Variants in NBAS observed in about 807,000 individuals in gnomAD.
The protein encoded by NBAS is NBAS subunit of NRZ tethering complex, also known as NAG/BC035112 fusion.
Under a neutral mutation model 302.5 loss-of-function variants are expected in NBAS, and 219 were observed. The ratio of observed to expected loss-of-function variants is 0.72; its 90% confidence interval spans 0.65 to 0.81. NBAS has a LOEUF of 0.81. Ranked by LOEUF, NBAS falls within the 30% of genes least tolerant of loss-of-function variation. The pLI is 0.00. For missense variants in NBAS, 2,932 were observed against 2,841.6 expected (o/e 1.03, Z -0.72); for synonymous variants, 1,118 against 1,021.6 (o/e 1.09, Z -1.80).
chr2:15,465,088 G>A (rs1679666175), intron 19 of NBAS, among the ~76,000 whole-genome samples: 1 of 152,214 alleles, frequency 6.6e-6, no homozygotes, highest in South Asian at 2.1e-4. Flanking sequence ...CTGACAAATA[G>A]TTAAGTCCTC....
At chr2:14,833,403 A>G in the NBAS span, among the ~76,000 whole-genome samples, 1 of 152,154 alleles carries the variant, frequency 6.6e-6, no homozygotes, top group Admixed American at 6.5e-5. Context: ...ATGTGTATAA[A>G]TTTCTCTGAG....
the NBAS span, among the ~76,000 whole-genome samples, chr2:15,030,525 C>A: frequency 1.3e-5 from 2 of 152,146 alleles, no homozygotes. Flanking sequence ...ATTCCCAATG[C>A]CACTGCAAAG....
At chr2:14,816,678 A>C in the NBAS span, among the ~76,000 whole-genome samples, 1 of 152,236 alleles carries the variant, frequency 6.6e-6, no homozygotes, top group Non-Finnish European at 1.5e-5. Context: ...TCTTAGGAGC[A>C]TAAGCCACAT....
the NBAS span, among the ~76,000 whole-genome samples, chr2:15,133,246 T>C: frequency 2.6e-5 from 4 of 151,986 alleles, no homozygotes; most frequent in Non-Finnish European, 4.4e-5. Context: ...CAGAACCTTG[T>C]TGGTCTGTTG....
the NBAS span, among the ~76,000 whole-genome samples, chr2:15,055,598 A>T: frequency 6.6e-6 from 1 of 152,286 alleles, no homozygotes; most frequent in African/African-American, 2.4e-5. Context: ...ACAGGTGAGG[A>T]TGTCAAGGGA....
chr2:15,189,500 G>A (rs143685747), intron 49 of NBAS, among the ~76,000 whole-genome samples: 66 of 152,244 alleles, frequency 4.3e-4, no homozygotes, highest in African/African-American at 1.5e-3. Context: ...AGCCAAACAG[G>A]CACTTGCGAC....
chr2:14,891,982 A>G, the NBAS span, among the ~76,000 whole-genome samples: 236 of 152,292 alleles, frequency 1.5e-3, no homozygotes, highest in African/African-American at 5.4e-3. Context: ...CCACTTACCC[A>G]TCATCTCATT....
In NBAS at chr2:15,402,228, C is replaced by T. The variant is rs16862653; in HGVS notation, c.3011G>A (p.Arg1004Gln). 88,717 of 1,613,410 alleles carry T rather than the reference C, an allele frequency of 0.055. 2,747 individuals are homozygous for T. The highest frequency in any genetic ancestry group is 0.11 in the East Asian group (5,129 of 44,776). Reference sequence around the variant, plus strand: ...ATAGCAAAGACAGAGTTGATCATTTCGTTCACAGGTATAGATGCACTCTAG... The same window carrying T: ...ATAGCAAAGACAGAGTTGATCATTTTGTTCACAGGTATAGATGCACTCTAG... ...IALECIYTCE[R>Q]NDQLCLCYDL... The change falls in exon 26 of 52, where the codon CGA (arginine) becomes CAA (glutamine). Residue 1004 changes from arginine to glutamine, a missense_variant. Arg to Gln is a conservative substitution (Grantham distance 43). Transcript: ENST00000281513.
At chr2:14,995,555 T>C in the NBAS span, among the ~76,000 whole-genome samples, 1 of 152,108 alleles carries the variant, frequency 6.6e-6, no homozygotes, top group Admixed American at 6.5e-5. Context: ...GGAATAGGCT[T>C]CCCCATTCCG....
chr2:15,495,638 G>A (rs1344952999), intron 11 of NBAS, among the ~76,000 whole-genome samples: 6 of 152,066 alleles, frequency 3.9e-5, no homozygotes, highest in South Asian at 2.1e-4. Context: ...GAGGGAGGGC[G>A]GGAACTGTGT....
At chr2:15,194,105 C>T (rs1665495267) in intron 48 of NBAS, among the ~76,000 whole-genome samples, 1 of 151,592 alleles carries the variant, frequency 6.6e-6, no homozygotes, top group Non-Finnish European at 1.5e-5. Flanking sequence ...AGTCAGAATC[C>T]CACAAGAAAA....
rs2148429820 is a variant in NBAS at position 15,402,283 on chromosome 2, G to T, written c.2956C>A (p.Pro986Thr). ...ATTGCCATCAGTTGGTCCTGATCAG[G>T]AATAATTTTTTGCTGCAGCTACAGA... ...SKPDLQQKII[P>T]DQDQLMAIAL... The change falls in exon 26 of 52, where the codon CCT becomes ACT. Residue 986 changes from proline (P) to threonine (T), a missense_variant. Coordinates refer to ENST00000281513, the MANE Select transcript of NBAS (RefSeq NM_015909.4). 6.2e-7 allele frequency: 1 copy of T among 1,613,454 alleles called. No homozygotes were observed. The highest frequency in any genetic ancestry group is 1.1e-5 in the South Asian group (1 of 91,054).
At chr2:14,857,256 A>G in the NBAS span, among the ~76,000 whole-genome samples, 1 of 152,216 alleles carries the variant, frequency 6.6e-6, no homozygotes, top group East Asian at 1.9e-4. Context: ...ATCCAAAACA[A>G]TCTACAGATT....
In NBAS at chr2:15,179,071, G is replaced by T. The variant is rs774416755; in HGVS notation, c.6757C>A (p.Leu2253Ile). Residue 2253 changes from leucine (L) to isoleucine (I), a missense_variant, in exon 51 of 52, where the codon CTT (leucine) becomes ATT (isoleucine). Leu to Ile is a conservative substitution (Grantham distance 5, BLOSUM62 2). Transcript: ENST00000281513. ...TCGAGGAGAAGTTTCAGAGATGGAA[G>T]CAGGAGGGACTGGTTAAGCAGCAGC... ...CLLLLNQSLL[L>I]PSLKLLLESR... 6.2e-7 allele frequency: 1 copy of T among 1,614,168 alleles called. No individual in the cohort carries two copies. Among genetic ancestry groups the T allele is most frequent in the South Asian group, 1.1e-5 (1 of 91,078 alleles).
intron 29 of NBAS, among the ~76,000 whole-genome samples, chr2:15,380,143 G>C (rs1001258839): frequency 3.9e-5 from 6 of 152,260 alleles, no homozygotes; most frequent in African/African-American, 1.4e-4. Context: ...ATCCAAAGTT[G>C]ATATTCATTA....
At chr2:15,476,532 C>T (rs559815727) in intron 13 of NBAS, among the ~76,000 whole-genome samples, 1 of 152,018 alleles carries the variant, frequency 6.6e-6, no homozygotes, top group East Asian at 1.9e-4. Flanking sequence ...ACCAGCCTGG[C>T]CAATATGGTG....
At chr2:15,359,621 G>A (rs1053898939) in intron 32 of NBAS, among the ~76,000 whole-genome samples, 13 of 151,604 alleles carry the variant, frequency 8.6e-5, no homozygotes, top group Non-Finnish European at 1.5e-4. Flanking sequence ...ATAGGTTTTC[G>A]TTGCCCTTTC....
At chr2:14,827,416 C>T in the NBAS span, among the ~76,000 whole-genome samples, 3 of 152,166 alleles carry the variant, frequency 2.0e-5, no homozygotes, top group African/African-American at 7.2e-5. Flanking sequence ...CATGAGTCAA[C>T]ACTTGGGAGT....
the NBAS span, among the ~76,000 whole-genome samples, chr2:15,034,036 GA>G: frequency 0.54 from 38,630 of 72,006 alleles, 9,521 homozygotes; most frequent in East Asian, 0.81. Context: ...AGAGGAGGAG[GA>G]AGGAGGAGGA....
Sources: gnomAD v4.1 joint callset for allele counts (sites outside exome capture counted in the v4.1 genomes callset) on GRCh38, gnomAD v4.1.1 for gene constraint, MANE v1.5 for transcripts, NCBI Gene and HGNC (gene_info 2026-07-23, HGNC 2026-07-21) for gene names.